The following ECRG4 variants were observed in gnomAD, a reference collection of about 807,000 sequenced individuals.
The protein encoded by ECRG4 is ECRG4 augurin precursor, also known as augurin.
A neutral mutation model predicts 15.8 loss-of-function variants in ECRG4; 18 were observed. That is an observed-to-expected ratio of 1.14 (90% CI 0.79 to 1.69). The LOEUF (loss-of-function observed/expected upper bound fraction) is 1.69, where lower values mean the gene tolerates loss of function less well. Among genes scored for constraint, ECRG4 ranks in the 40% most tolerant of loss-of-function variants. The probability of loss-of-function intolerance (pLI) is 0.00; values close to 1 mark genes in which losing one functional copy is unlikely to be tolerated. For missense variants in ECRG4, 200 were observed against 190.9 expected (o/e 1.05, Z -0.28); for synonymous variants, 82 against 73.9 (o/e 1.11, Z -0.56).
chr2:106,071,015 A>G (rs1449773522), intron 1 of ECRG4: 5 of 471,110 alleles, frequency 1.1e-5, no homozygotes, highest in Non-Finnish European at 1.8e-5. Flanking sequence ...GGTATTTTCT[A>G]TTAAAAATGA....
rs1207345148 is a variant in ECRG4 at position 106,067,059 on chromosome 2, C to CGGGGCGGGG, written c.79+1220_79+1221insCGGGGGGGG. On this transcript the variant is annotated intron_variant, in intron 1 of 3. Coordinates refer to ENST00000238044, the MANE Select transcript of ECRG4 (RefSeq NM_032411.3). The stretch of plus-strand genomic sequence containing the variant: ...CTGTAATCCCAGCACTTTGGGAGGC[C>CGGGGCGGGG]GGGGGGGGGGGGGGGGCAGATCACC... 1.9e-3 allele frequency among the ~76,000 whole-genome samples: 8 copies of CGGGGCGGGG among 4,264 alleles called. 1 individual carries two copies. The highest frequency in any genetic ancestry group is 0.012 in the Admixed American group (4 of 328). 2.8% of individuals were successfully genotyped at this position (4,264 alleles called of 152,430 possible). A position where few individuals can be genotyped will look rare whatever the true frequency, so the allele number is the denominator to read the frequency against.
intron 1 of ECRG4, among the ~76,000 whole-genome samples, chr2:106,068,596 G>A (rs1676273654): frequency 6.6e-6 from 1 of 152,162 alleles, no homozygotes; most frequent in Non-Finnish European, 1.5e-5. Context: ...CATCGCAAAT[G>A]CCTACACGCA....
chr2:106,067,948 C>T (rs549514201), intron 1 of ECRG4, among the ~76,000 whole-genome samples: 185 of 152,114 alleles, frequency 1.2e-3, no homozygotes, highest in African/African-American at 4.3e-3. Context: ...AATCCTCCCA[C>T]CTCAGCCTCC....
Position 106,077,908 on chromosome 2 carries a change from C to T in ECRG4, c.429C>T (p.Val143=), listed in dbSNP as rs754503202. 6.2e-7 allele frequency: 1 copy of T among 1,614,018 alleles called. No individual in the cohort carries two copies. Among genetic ancestry groups the T allele is most frequent in the East Asian group, 2.2e-5 (1 of 44,842 alleles). The change falls in exon 4 of 4, where the codon GTC becomes GTT. Residue 143 remains valine (V), a synonymous_variant. Coordinates refer to ENST00000238044, the MANE Select transcript of ECRG4 (RefSeq NM_032411.3). ...ACGGCTTTAGGCATGGAGCCAGCGT[C>T]AACTACGATGACTACTAACCATGAC... is the stretch of plus-strand genomic sequence containing the variant. ...SPYGFRHGAS[V]NYDDY is the part of the protein sequence containing the mutation.
upstream of ECRG4, chr2:106,065,526 GC>G (rs1339198840): frequency 2.7e-6 from 1 of 366,430 alleles, no homozygotes; most frequent in Non-Finnish European, 4.8e-6. Context: ...CCCAGGGGCT[GC>G]GTTCCCCTTG....
chr2:106,073,036 TGTCCATAC>T (rs1279902455), intron 2 of ECRG4, among the ~76,000 whole-genome samples: 2 of 152,218 alleles, frequency 1.3e-5, no homozygotes, highest in African/African-American at 4.8e-5. Flanking sequence ...TGCTGGTATT[TGTCCATAC>T]GACCAACGAA....
chr2:106,069,127 T>C (rs74180261), intron 1 of ECRG4, among the ~76,000 whole-genome samples: 9 of 133,026 alleles, frequency 6.8e-5, no homozygotes, highest in Non-Finnish European at 9.8e-5. Flanking sequence ...CTTTCTTCCT[T>C]TCTCTTTCTT....
chr2:106,076,353 A>G (rs1056533577), intron 3 of ECRG4, among the ~76,000 whole-genome samples: 4 of 152,156 alleles, frequency 2.6e-5, no homozygotes, highest in Non-Finnish European at 5.9e-5. Context: ...ATAAAATGAG[A>G]AAACCCAAGA....
At chr2:106,063,563 G>A (rs4851912), upstream of ECRG4, 149,855 of 152,326 alleles carry the variant, frequency 0.98, 73,759 homozygotes, top group Middle Eastern at 1. Flanking sequence ...ACACTCTCTG[G>A]TCATATCCCG....
intron 1 of ECRG4, chr2:106,070,902 A>G (rs1235593188): frequency 4.2e-6 from 2 of 471,094 alleles, no homozygotes; most frequent in South Asian, 3.1e-5. Context: ...AAGTTGCTCT[A>G]CTCACTACTT....
intron 2 of ECRG4, among the ~76,000 whole-genome samples, chr2:106,073,638 G>A (rs1384753382): frequency 1.3e-5 from 2 of 152,186 alleles, no homozygotes; most frequent in Admixed American, 6.5e-5. Context: ...TCTACCCTGA[G>A]GACCTAGAGG....
At chr2:106,067,236 G>A (rs1267728243) in intron 1 of ECRG4, among the ~76,000 whole-genome samples, 2 of 151,966 alleles carry the variant, frequency 1.3e-5, no homozygotes, top group African/African-American at 4.8e-5. Context: ...AGATTGCGGC[G>A]AGCTGAGATC....
chr2:106,065,992 G>A, intron 1 of ECRG4, 149 bp downstream of exon 1: 1 of 661,812 alleles, frequency 1.5e-6, no homozygotes, highest in Non-Finnish European at 2.3e-6. Flanking sequence ...GGTGGTAGAG[G>A]ACCGGGTCTG....
chr2:106,073,421 A>G lies in ECRG4; in HGVS notation c.128-465A>G, dbSNP rs560613519. On this transcript the variant is annotated intron_variant, in intron 2 of 3. Coordinates refer to ENST00000238044, the MANE Select transcript of ECRG4 (RefSeq NM_032411.3). ...GGTCCCTGCTCACCCGGGGCTCATC[A>G]TTCCAGTTCCTTTTTCTTACATAAT... 2.0e-5 allele frequency among the ~76,000 whole-genome samples: 3 copies of G among 152,270 alleles called. No homozygotes were observed. In the South Asian group the frequency reaches 6.2e-4, roughly 32 times the overall value.
intron 1 of ECRG4, among the ~76,000 whole-genome samples, chr2:106,066,634 G>C (rs1344465455): frequency 6.6e-6 from 1 of 152,142 alleles, no homozygotes; most frequent in Non-Finnish European, 1.5e-5. Context: ...GGGGAGGCAG[G>C]GATTGTTACC....
intron 1 of ECRG4, among the ~76,000 whole-genome samples, chr2:106,067,746 G>A (rs1160096179): frequency 2.0e-5 from 3 of 152,110 alleles, no homozygotes; most frequent in Non-Finnish European, 2.9e-5. Flanking sequence ...GCCTCCCAAA[G>A]TGCTGGGATT....
rs550205877 is a variant in ECRG4, at chr2:106,069,166, T to C, written c.80-2678T>C. Among the ~76,000 whole-genome samples the C allele has an allele frequency of 1.9e-4, 26 of 136,102 alleles. 2 individuals are homozygous for C. Among genetic ancestry groups the C allele is most frequent in the African/African-American group, 5.5e-4 (21 of 38,504 alleles). 89.3% of individuals were successfully genotyped at this position (136,102 alleles called of 152,430 possible). On this transcript the variant is annotated intron_variant, in intron 1 of 3. Transcript: ENST00000238044. ...TTCTTTCTTTTCTTTCTTTCTTTCT[T>C]TCTTTTTTCTTTCTTTCTTTCTCTT...
rs76600052 is a variant in ECRG4, at chr2:106,071,751, C to T, written c.80-93C>T. 4.4e-5 allele frequency: 44 copies of T among 991,362 alleles called. No homozygotes were observed. In the African/African-American group the frequency reaches 6.0e-4, roughly 13 times the overall value. The allele number at this position is 991,362 out of a possible 1,614,324, so 61.4% of individuals were successfully genotyped here. On this transcript the variant is annotated intron_variant, in intron 1 of 3. Transcript: ENST00000238044. ...CAAGTTGCCAAATCAAGGCAGGGGC[C>T]CGCAGTTCTTTTCTCCCACTCTGAT... is the stretch of plus-strand genomic sequence containing the variant.
At position 106,073,832 on chromosome 2, in the gene ECRG4, G is replaced by A. The variant is rs10187661; in HGVS notation, c.128-54G>A. 2.9e-5 allele frequency: 46 copies of A among 1,600,372 alleles called. No homozygotes were observed. The South Asian group carries it at 3.7e-4, about 13-fold the overall frequency. On this transcript the variant is annotated intron_variant, in intron 2 of 3. Transcript: ENST00000238044. ...GATGTATAACAGGGATTCACCGCAAGTGAGGAAGGAAGTCATTCTTTGTGC... is the reference window on the plus strand; with the variant it reads ...GATGTATAACAGGGATTCACCGCAAATGAGGAAGGAAGTCATTCTTTGTGC...
Sources: gnomAD v4.1 joint callset for allele counts (sites outside exome capture counted in the v4.1 genomes callset) on GRCh38, gnomAD v4.1.1 for gene constraint, MANE v1.5 for transcripts, NCBI Gene and HGNC (gene_info 2026-07-23, HGNC 2026-07-21) for gene names.